AGMO: variants seen among roughly 807,000 people sequenced by gnomAD.
AGMO encodes alkylglycerol monooxygenase.
A neutral mutation model predicts 60.2 loss-of-function variants in AGMO; 75 were observed. The observed-to-expected ratio is 1.25, with a 90% CI of 1.03 to 1.51. The LOEUF is 1.51. AGMO is among the 40% of genes most tolerant of loss of function. AGMO has a pLI of 0.00. For missense variants in AGMO, 763 were observed against 525.5 expected (o/e 1.45, Z -4.42); for synonymous variants, 261 against 177.1 (o/e 1.47, Z -3.76).
intron 3 of AGMO, among the ~76,000 whole-genome samples, chr7:15,463,192 A>G (rs1164891204): frequency 6.6e-6 from 1 of 152,184 alleles, no homozygotes; most frequent in Non-Finnish European, 1.5e-5. Context: ...AAGTATTTAT[A>G]AGAGGCCAGA....
At chr7:15,202,584 A>C (rs973540425) in intron 12 of AGMO, among the ~76,000 whole-genome samples, 2 of 150,868 alleles carry the variant, frequency 1.3e-5, no homozygotes, top group Non-Finnish European at 2.9e-5. Flanking sequence ...CCTTCACATT[A>C]GTCAGGTTGA....
chr7:15,198,215 G>GAC (rs1781172166), downstream of AGMO, among the ~76,000 whole-genome samples: 2 of 97,784 alleles, frequency 2.0e-5, no homozygotes, highest in Non-Finnish European at 3.9e-5. Flanking sequence ...GAGAGAGAGA[G>GAC]AGAGAGAGAG....
intron 3 of AGMO, among the ~76,000 whole-genome samples, chr7:15,439,295 G>A (rs1166910541): frequency 1.3e-5 from 2 of 152,152 alleles, no homozygotes; most frequent in African/African-American, 2.4e-5. Flanking sequence ...TACTAGGGAG[G>A]CTGAGGCAGG....
chr7:15,198,243 G>C (rs560408496), downstream of AGMO, among the ~76,000 whole-genome samples: 775 of 98,670 alleles, frequency 7.9e-3, 5 homozygotes, highest in South Asian at 0.012. Flanking sequence ...GAGAGAGAGA[G>C]AGAGAGAGAG....
chr7:15,298,427 C>T (rs935533209), intron 12 of AGMO, among the ~76,000 whole-genome samples: 2 of 152,114 alleles, frequency 1.3e-5, no homozygotes, highest in East Asian at 3.9e-4. Flanking sequence ...CAGGGTCTCA[C>T]TCTGTCACCA....
intron 12 of AGMO, among the ~76,000 whole-genome samples, chr7:15,317,734 AAGT>A (rs1464963811): frequency 6.6e-6 from 1 of 151,896 alleles, no homozygotes; most frequent in Non-Finnish European, 1.5e-5. Context: ...CTGTTATAAG[AAGT>A]AGTAGAAAAC....
At chr7:15,552,371 G>C (rs897022616) in intron 2 of AGMO, among the ~76,000 whole-genome samples, 1 of 152,162 alleles carries the variant, frequency 6.6e-6, no homozygotes, top group African/African-American at 2.4e-5. Flanking sequence ...ACTACCATTA[G>C]AGTGAACAGG....
At chr7:15,241,155 T>C (rs976946591) in intron 12 of AGMO, among the ~76,000 whole-genome samples, 5 of 152,160 alleles carry the variant, frequency 3.3e-5, no homozygotes, top group Non-Finnish European at 5.9e-5. Context: ...CAAGCCAACA[T>C]GGTAACATCT....
intron 3 of AGMO, among the ~76,000 whole-genome samples, chr7:15,493,362 C>CACACACACACACACT (rs71004386): frequency 9.8e-6 from 1 of 102,262 alleles, no homozygotes; most frequent in African/African-American, 4.0e-5. Flanking sequence ...CACACACACA[C>CACACACACACACACT]TTCTTTTTTT....
chr7:15,326,514 T>C (rs1273811519), intron 12 of AGMO, among the ~76,000 whole-genome samples: 1 of 152,218 alleles, frequency 6.6e-6, no homozygotes, highest in Non-Finnish European at 1.5e-5. Context: ...GGAAGGCCTC[T>C]CAAGGATGCT....
At chr7:15,393,011 G>A (rs1286093636) in intron 6 of AGMO, among the ~76,000 whole-genome samples, 2 of 152,170 alleles carry the variant, frequency 1.3e-5, no homozygotes, top group Admixed American at 6.5e-5. Flanking sequence ...TAAACAGAAC[G>A]GCTATATGGG....
chr7:15,480,922 C>T (rs183988917), intron 3 of AGMO, among the ~76,000 whole-genome samples: 81 of 143,204 alleles, frequency 5.7e-4, no homozygotes, highest in African/African-American at 2.1e-3. Context: ...TCTTGGGCAT[C>T]AGAGAGAAAT....
the AGMO span, among the ~76,000 whole-genome samples, chr7:15,190,247 A>ACC: frequency 7.0e-6 from 1 of 143,318 alleles, no homozygotes; most frequent in South Asian, 2.2e-4. Context: ...ATATATATAT[A>ACC]TATGCAGCAA....
At chr7:15,266,093 G>C (rs962843145) in intron 12 of AGMO, among the ~76,000 whole-genome samples, 1 of 152,086 alleles carries the variant, frequency 6.6e-6, no homozygotes, top group African/African-American at 2.4e-5. Flanking sequence ...AAATCATTGA[G>C]ACAGAAAGGA....
At chr7:15,284,670 T>C (rs1406035344) in intron 12 of AGMO, among the ~76,000 whole-genome samples, 3 of 152,064 alleles carry the variant, frequency 2.0e-5, no homozygotes, top group African/African-American at 7.2e-5. Context: ...CCAACCCTGC[T>C]GGAACTAGTC....
intron 3 of AGMO, among the ~76,000 whole-genome samples, chr7:15,484,757 A>C (rs1187714321): frequency 1.3e-5 from 2 of 152,208 alleles, no homozygotes; most frequent in Non-Finnish European, 2.9e-5. Context: ...TAGAGATGGC[A>C]GGGGGTCAAA....
chr7:15,330,315 G>A lies in AGMO; in HGVS notation c.1263+35199C>T, dbSNP rs529257197. 3.9e-5 allele frequency among the ~76,000 whole-genome samples: 6 copies of A among 152,230 alleles called. No homozygotes were observed. In the South Asian group the frequency reaches 1.2e-3, roughly 32 times the overall value. On this transcript the variant is annotated intron_variant, in intron 12 of 12. Coordinates refer to ENST00000342526, the MANE Select transcript of AGMO (RefSeq NM_001004320.2). ...GATAAACATTAACTTTATGTATGGGGCAGGAATAAAAGTAGAAGCAATTGT... is the reference window on the plus strand; with the variant it reads ...GATAAACATTAACTTTATGTATGGGACAGGAATAAAAGTAGAAGCAATTGT...
chr7:15,468,310 G>C (rs138041135), intron 3 of AGMO, among the ~76,000 whole-genome samples: 11 of 152,164 alleles, frequency 7.2e-5, no homozygotes, highest in African/African-American at 2.4e-4. Flanking sequence ...CTGGTACCAA[G>C]ATTACTATAC....
At chr7:15,369,083 T>G (rs28634570) in intron 10 of AGMO, among the ~76,000 whole-genome samples, 4,850 of 152,264 alleles carry the variant, frequency 0.032, 250 homozygotes, top group African/African-American at 0.11. Flanking sequence ...ACTTTTTCTG[T>G]CACTGTCTAC....
Sources: gnomAD v4.1 joint callset for allele counts (sites outside exome capture counted in the v4.1 genomes callset) on GRCh38, gnomAD v4.1.1 for gene constraint, MANE v1.5 for transcripts, NCBI Gene and HGNC (gene_info 2026-07-23, HGNC 2026-07-21) for gene names.